The following TTC7B variants were observed in gnomAD, a reference collection of about 807,000 sequenced individuals.
TTC7B encodes tetratricopeptide repeat domain 7B, also known as tetratricopeptide repeat protein 7B.
A neutral mutation model predicts 106.8 loss-of-function variants in TTC7B; 28 were observed. The ratio of observed to expected loss-of-function variants is 0.26; its 90% CI spans 0.19 to 0.36. The LOEUF (loss-of-function observed/expected upper bound fraction) is 0.36, where lower values mean the gene tolerates loss of function less well. Among genes scored for constraint, TTC7B ranks in the 10% least tolerant of loss-of-function variants. TTC7B has a pLI of 1.00. For synonymous variants in TTC7B, 405 were observed against 430.6 expected, an observed-to-expected ratio of 0.94 and a Z score of 0.74; for missense variants, 862 against 1,076.4, an observed-to-expected ratio of 0.80 and a Z score of 2.79.
At chr14:90,650,647 C>G (rs535752744) in intron 13 of TTC7B, among the ~76,000 whole-genome samples, 18 of 152,338 alleles carry the variant, frequency 1.2e-4, no homozygotes, top group African/African-American at 4.3e-4. Flanking sequence ...AGGCTTTATG[C>G]ATACTGTGGG....
chr14:90,660,868 T>A (rs1043556296), intron 9 of TTC7B, among the ~76,000 whole-genome samples: 3 of 152,262 alleles, frequency 2.0e-5, no homozygotes, highest in African/African-American at 7.2e-5. Context: ...AAGCACCTAG[T>A]GCTTGGCGAT....
intron 15 of TTC7B, among the ~76,000 whole-genome samples, chr14:90,637,919 G>T (rs1376926544): frequency 6.6e-6 from 1 of 152,102 alleles, no homozygotes; most frequent in African/African-American, 2.4e-5. Context: ...TTTTTCTGAG[G>T]CAGGGCCTCG....
chr14:90,568,789 C>T (rs1447667869), intron 19 of TTC7B, among the ~76,000 whole-genome samples: 1 of 152,132 alleles, frequency 6.6e-6, no homozygotes, highest in Admixed American at 6.5e-5. Flanking sequence ...GGGCAAGTAA[C>T]CAAACAGGAG....
intron 17 of TTC7B, chr14:90,603,140 T>C (rs1260013146): frequency 2.9e-6 from 2 of 690,012 alleles, no homozygotes; most frequent in Non-Finnish European, 4.4e-6. Flanking sequence ...CAGAGGGATG[T>C]CCACGTCATC....
At chr14:90,572,469 A>T (rs941561724) in intron 19 of TTC7B, among the ~76,000 whole-genome samples, 1 of 152,238 alleles carries the variant, frequency 6.6e-6, no homozygotes, top group African/African-American at 2.4e-5. Flanking sequence ...AAGAAAATGC[A>T]TTTTTCAAAC....
intron 9 of TTC7B, among the ~76,000 whole-genome samples, chr14:90,666,208 C>T (rs1202987299): frequency 8.5e-5 from 13 of 152,220 alleles, no homozygotes; most frequent in Admixed American, 6.5e-5. Context: ...GTTGCCTAGG[C>T]TGGAGTGCAA....
At chr14:90,750,964 C>A (rs1250802983) in intron 3 of TTC7B, among the ~76,000 whole-genome samples, 1 of 152,220 alleles carries the variant, frequency 6.6e-6, no homozygotes, top group African/African-American at 2.4e-5. Context: ...CATATCAACA[C>A]TGTCTGAGAA....
intron 9 of TTC7B, among the ~76,000 whole-genome samples, chr14:90,671,746 T>C (rs1665858523): frequency 6.6e-6 from 1 of 152,208 alleles, no homozygotes; most frequent in South Asian, 2.1e-4. Flanking sequence ...TGATAAACCT[T>C]TGGTCTGTGT....
intron 19 of TTC7B, among the ~76,000 whole-genome samples, chr14:90,556,319 G>C (rs1158196974): frequency 1.3e-5 from 2 of 152,148 alleles, no homozygotes; most frequent in African/African-American, 4.8e-5. Flanking sequence ...TCCCCCATCT[G>C]CCGTTTAAAT....
At chr14:90,635,366 T>A (rs1275087551) in intron 15 of TTC7B, among the ~76,000 whole-genome samples, 7 of 152,096 alleles carry the variant, frequency 4.6e-5, no homozygotes, top group African/African-American at 1.7e-4. Context: ...ATAGAAAGCA[T>A]AAATAGCATG....
Position 90,525,546 on chromosome 14 carries a change from T to A in TTC7B, c.*15822A>T, listed in dbSNP as rs1595134726. ...GTCGCGTTCCCGGCTGCGTCTCCGG[T>A]CACCGAACGGGACGGCGGGATGGCG... On this transcript the variant is annotated 3_prime_UTR_variant, in exon 20 of 20. Coordinates refer to ENST00000328459, the MANE Select transcript of TTC7B (RefSeq NM_001010854.2). 6.6e-6 allele frequency: 1 copy of A among 151,292 alleles called. No individual in the cohort carries two copies. The highest frequency in any genetic ancestry group is 2.0e-4 in the East Asian group (1 of 4,924). 9.4% of individuals were successfully genotyped at this position (151,292 alleles called of 1,614,324 possible). A position where few individuals can be genotyped will look rare whatever the true frequency, so the allele number is the denominator to read the frequency against.
chr14:90,660,333 C>T (rs111289955), intron 9 of TTC7B, among the ~76,000 whole-genome samples: 5,388 of 129,582 alleles, frequency 0.042, 135 homozygotes, highest in Non-Finnish European at 0.056. Flanking sequence ...GAGGCTGCAG[C>T]GAGCTGTGAT....
At chr14:90,717,154 A>G (rs1242716363) in intron 5 of TTC7B, among the ~76,000 whole-genome samples, 2 of 152,288 alleles carry the variant, frequency 1.3e-5, no homozygotes, top group African/African-American at 4.8e-5. Context: ...CCTGGCTAAC[A>G]TGGTGAAACC....
intron 1 of TTC7B, among the ~76,000 whole-genome samples, chr14:90,791,093 G>A (rs1409802549): frequency 6.6e-6 from 1 of 152,120 alleles, no homozygotes; most frequent in Non-Finnish European, 1.5e-5. Flanking sequence ...CTCAGCAATG[G>A]AAAACAGGTC....
At chr14:90,746,183 A>G (rs1426733297) in intron 3 of TTC7B, among the ~76,000 whole-genome samples, 1 of 152,234 alleles carries the variant, frequency 6.6e-6, no homozygotes, top group Admixed American at 6.5e-5. Context: ...AATGTTTGAT[A>G]GAATTCACCA....
At chr14:90,554,910 G>T (rs544626872) in intron 19 of TTC7B, among the ~76,000 whole-genome samples, 4 of 152,246 alleles carry the variant, frequency 2.6e-5, no homozygotes, top group African/African-American at 9.6e-5. Context: ...TCCTGGAGTG[G>T]ATCGACTCTT....
rs748381049 is a variant in TTC7B at position 90,578,322 on chromosome 14, G to A, written c.2108-14C>T. The A allele has an allele frequency of 5.6e-6, 9 of 1,611,876 alleles. No homozygotes were observed. The highest frequency in any genetic ancestry group is 1.3e-5 in the African/African-American group (1 of 74,926). On this transcript the variant is annotated splice_polypyrimidine_tract_variant and intron_variant, in intron 18 of 19. Transcript: ENST00000328459. This position sits in a 1 kb window ranked among gnomAD's most constrained non-coding sequence, Gnocchi z 4.7. ...TATAGACTTCAGCTGTGAGGAGACA[G>A]CAACGGCACATGCTTTCCTGGTGCC... is the stretch of plus-strand genomic sequence containing the variant.
At chr14:90,615,541 A>G (rs1595208992) in intron 16 of TTC7B, among the ~76,000 whole-genome samples, 1 of 152,078 alleles carries the variant, frequency 6.6e-6, no homozygotes, top group Non-Finnish European at 1.5e-5. Flanking sequence ...ATGTAGTTCC[A>G]CCTTCCTCTA....
rs560354170 is a variant in TTC7B at position 90,578,086 on chromosome 14, C to T, written c.2310+20G>A. The T allele has an allele frequency of 1.2e-4, 198 of 1,590,880 alleles. 1 individual carries two copies. The South Asian group carries it at 1.9e-3, about 16-fold the overall frequency. On this transcript the variant is annotated intron_variant, in intron 19 of 19. Transcript: ENST00000328459. The surrounding 1 kb of genome is among the most constrained non-coding windows in gnomAD (Gnocchi z 4.7). ...GTCCCCATGCCAGAGTAGGGGCCAC[C>T]GCCGGGCTCGTGGACTCACCAGTCG...
Sources: allele counts gnomAD v4.1 joint callset (sites outside exome capture counted in the v4.1 genomes callset), GRCh38; gene constraint gnomAD v4.1.1; non-coding constraint Gnocchi (gnomAD v3.1); transcripts MANE v1.5; gene names NCBI Gene and HGNC (gene_info 2026-07-23, HGNC 2026-07-21).